The following NADK variants were observed in gnomAD, a reference collection of about 807,000 sequenced individuals.
The protein encoded by NADK is NAD kinase, also known as poly(P)/ATP NAD kinase.
A neutral mutation model predicts 49.8 loss-of-function variants in NADK; 22 were observed. That is an observed-to-expected ratio of 0.44 (90% confidence interval 0.32 to 0.63). The LOEUF is 0.63. Among genes scored for constraint, NADK ranks in the 30% least tolerant of loss-of-function variants. The probability of loss-of-function intolerance (pLI) is 0.06; values close to 1 mark genes in which losing one functional copy is unlikely to be tolerated. For missense variants in NADK, 438 were observed against 609.4 expected, an observed-to-expected ratio of 0.72 and a Z score of 2.96; for synonymous variants, 268 against 253.7, an observed-to-expected ratio of 1.06 and a Z score of -0.54.
At position 1,752,355 on chromosome 1, in the gene NADK, G is replaced by T. The variant is rs946491797; in HGVS notation, c.*549C>A. The stretch of plus-strand genomic sequence containing the variant: ...AAGCGGGGAGGGCTGGATGGCAGGG[G>T]ACGCATCCAACCCTCTCCAGAAACT... On this transcript the variant is annotated 3_prime_UTR_variant, in exon 12 of 12. Coordinates refer to ENST00000341426, the MANE Select transcript of NADK (RefSeq NM_023018.5). 7 of 152,732 alleles carry T rather than the reference G, an allele frequency of 4.6e-5. No homozygotes were observed. Among genetic ancestry groups the T allele is most frequent in the African/African-American group, 1.7e-4 (7 of 41,466 alleles). The allele number at this position is 152,732 out of a possible 1,614,324, so 9.5% of individuals were successfully genotyped here.
At chr1:1,774,190 T>C (rs563083825) in intron 1 of NADK, among the ~76,000 whole-genome samples, 68 of 151,254 alleles carry the variant, frequency 4.5e-4, no homozygotes, top group Admixed American at 2.5e-3. Flanking sequence ...CACACACACA[T>C]ATATATATAT....
chr1:1,765,555 A>G (rs1463997248), intron 1 of NADK, 109 bp from the exon 2 acceptor site: 2 of 531,810 alleles, frequency 3.8e-6, no homozygotes, highest in African/African-American at 4.0e-5. Flanking sequence ...AAATGGCTGA[A>G]GTCCAATTTA....
intron 3 of NADK, chr1:1,759,727 AACCCACC>A: frequency 6.4e-7 from 1 of 1,552,126 alleles, no homozygotes; most frequent in Non-Finnish European, 8.7e-7. Flanking sequence ...CTGCCCCACA[AACCCACC>A]GCTTCCTCCT....
At chr1:1,758,136 T>A (rs1199089948) in intron 3 of NADK, among the ~76,000 whole-genome samples, 2 of 152,144 alleles carry the variant, frequency 1.3e-5, no homozygotes, top group African/African-American at 4.8e-5. Context: ...TCACCGCCTA[T>A]CCTCAGCCCC....
chr1:1,769,007 T>C (rs1363190896), intron 1 of NADK, among the ~76,000 whole-genome samples: 2 of 152,206 alleles, frequency 1.3e-5, no homozygotes, highest in Admixed American at 6.5e-5. Flanking sequence ...CCAGACTGAA[T>C]GATCAGAACC....
upstream of NADK, among the ~76,000 whole-genome samples, chr1:1,779,631 G>A (rs1021993274): frequency 1.3e-4 from 19 of 151,834 alleles, no homozygotes; most frequent in Admixed American, 7.2e-4. Context: ...AGTAGGTCCC[G>A]CCACACTCGA....
chr1:1,776,545 G>A (rs548184333), intron 1 of NADK, among the ~76,000 whole-genome samples: 2 of 152,278 alleles, frequency 1.3e-5, no homozygotes, highest in African/African-American at 4.8e-5. Context: ...GGAGGCCAAG[G>A]TGGGCTGATC....
chr1:1,760,179 G>T (rs1455858318), intron 3 of NADK, among the ~76,000 whole-genome samples: 16 of 152,216 alleles, frequency 1.1e-4, no homozygotes, highest in Non-Finnish European at 1.9e-4. Context: ...TCTGCAGATG[G>T]ACTGGATGAG....
In NADK at chr1:1,761,830, C is replaced by T. The variant is rs1025765289; in HGVS notation, c.263+122G>A. ...AGTGCTAGAATCTTCCTCAACACAG[C>T]GATCCCACAACTCCACACACATCCC... is the stretch of plus-strand genomic sequence containing the variant. On this transcript the variant is annotated intron_variant, in intron 3 of 11. Coordinates refer to ENST00000341426, the MANE Select transcript of NADK (RefSeq NM_023018.5). The T allele has an allele frequency of 8.7e-5, 73 of 835,142 alleles. 2 individuals are homozygous for T. The highest frequency in any genetic ancestry group is 1.2e-4 in the Non-Finnish European group (61 of 510,624). The allele number at this position is 835,142 out of a possible 1,614,324, so 51.7% of individuals were successfully genotyped here.
chr1:1,756,797 C>T lies in NADK; in HGVS notation c.394-189G>A, dbSNP rs137993063. ...GCAGGACCTTTAAGAGATGACTGGGCGGAGGGGGCTCCCTCTCAGGAATTG... is the reference window on the plus strand; with the variant it reads ...GCAGGACCTTTAAGAGATGACTGGGTGGAGGGGGCTCCCTCTCAGGAATTG... On this transcript the variant is annotated intron_variant, in intron 4 of 11. Coordinates refer to ENST00000341426, the MANE Select transcript of NADK (RefSeq NM_023018.5). 7.2e-4 allele frequency: 749 copies of T among 1,034,240 alleles called. 3 individuals carry two copies. The African/African-American group carries it at 7.9e-3, about 11-fold the overall frequency. 64.1% of individuals were successfully genotyped at this position (1,034,240 alleles called of 1,614,324 possible). A position where few individuals can be genotyped will look rare whatever the true frequency, so the allele number is the denominator to read the frequency against.
At chr1:1,775,585 G>A (rs1646188149) in intron 1 of NADK, among the ~76,000 whole-genome samples, 1 of 152,200 alleles carries the variant, frequency 6.6e-6, no homozygotes, top group Admixed American at 6.5e-5. Context: ...GGTCTGAAGG[G>A]GGCTTTCTTT....
At chr1:1,753,826 A>G (rs1042057706) in intron 10 of NADK, among the ~76,000 whole-genome samples, 177 bp from the exon 11 acceptor site, 6 of 152,142 alleles carry the variant, frequency 3.9e-5, no homozygotes, top group Non-Finnish European at 4.4e-5. Flanking sequence ...GAGACCAACA[A>G]TGGCAGAAAG....
chr1:1,759,675 T>A, intron 3 of NADK: 2 of 1,512,304 alleles, frequency 1.3e-6, no homozygotes, highest in Non-Finnish European at 1.8e-6. Context: ...AGAGGGGGCG[T>A]GCTCCCATGG....
Position 1,773,519 on chromosome 1 carries a change from A to G in NADK, c.-41+4770T>C, listed in dbSNP as rs1030040363. Among the ~76,000 whole-genome samples, 10 of 151,752 alleles carry G rather than the reference A, an allele frequency of 6.6e-5. No homozygotes were observed. In the South Asian group the frequency reaches 2.1e-3, roughly 32 times the overall value. On this transcript the variant is annotated intron_variant, in intron 1 of 11. Transcript: ENST00000341426. ...TAATCCCAGCACTTTGGGAGGCCGA[A>G]GCAGGGGAATCACCTGAAGCCAGGA...
intron 1 of NADK, among the ~76,000 whole-genome samples, chr1:1,766,607 A>C (rs1645895400): frequency 6.6e-6 from 1 of 151,818 alleles, no homozygotes; most frequent in Non-Finnish European, 1.5e-5. Flanking sequence ...CCAATGAAAT[A>C]TTTACCAAAC....
At chr1:1,759,593 T>C (rs775680407) in intron 3 of NADK, 169 of 1,031,564 alleles carry the variant, frequency 1.6e-4, no homozygotes, top group Non-Finnish European at 2.3e-4. Context: ...GAAGTTCAGA[T>C]GCATGGGAAG....
intron 1 of NADK, among the ~76,000 whole-genome samples, chr1:1,768,301 G>A (rs1645946181): frequency 6.6e-6 from 1 of 152,142 alleles, no homozygotes; most frequent in African/African-American, 2.4e-5. Flanking sequence ...GCTTTGGGAG[G>A]CTGAGGTAAG....
intron 1 of NADK, among the ~76,000 whole-genome samples, chr1:1,773,384 G>A (rs989170300): frequency 3.3e-5 from 5 of 150,870 alleles, no homozygotes; most frequent in South Asian, 2.1e-4. Context: ...CAGGTGATCC[G>A]CCCGCCTCGG....
At chr1:1,756,970 G>A (rs934545738) in intron 4 of NADK, 3 of 879,034 alleles carry the variant, frequency 3.4e-6, no homozygotes, top group Non-Finnish European at 5.7e-6. Context: ...GAGCCCACCA[G>A]CTCATTGTTG....
Sources: gnomAD v4.1 joint callset for allele counts (sites outside exome capture counted in the v4.1 genomes callset) on GRCh38, gnomAD v4.1.1 for gene constraint, MANE v1.5 for transcripts, NCBI Gene and HGNC (gene_info 2026-07-23, HGNC 2026-07-21) for gene names.